The following NPAS3 variants were observed in gnomAD, a reference collection of about 807,000 sequenced individuals.
The protein encoded by NPAS3 is neuronal PAS domain-containing protein 3.
A neutral mutation model predicts 73.1 loss-of-function variants in NPAS3; 14 were observed. That is an observed-to-expected ratio of 0.19 (90% confidence interval 0.13 to 0.30). The LOEUF (loss-of-function observed/expected upper bound fraction) is 0.30, where lower values mean the gene tolerates loss of function less well. NPAS3 is among the 10% of genes least tolerant of loss of function. The pLI is 1.00. For synonymous variants in NPAS3, 620 were observed against 541.5 expected (o/e 1.14, Z -2.01); for missense variants, 1,096 against 1,250.0 (o/e 0.88, Z 1.86).
rs555848502 is a variant in NPAS3 at position 33,767,397 on chromosome 14, C to T, written c.853-6940C>T. The stretch of plus-strand genomic sequence containing the variant: ...AGGTTTCAGGCCACCTCAGAGCCCC[C>T]GTCACTTAAAAATAATTAGCTGACT... On this transcript the variant is annotated intron_variant, in intron 7 of 11. Coordinates refer to ENST00000356141, the Ensembl canonical transcript of NPAS3. Among the ~76,000 whole-genome samples the T allele has an allele frequency of 4.6e-5, 7 of 152,164 alleles. No homozygotes were observed. In the East Asian group the frequency reaches 5.8e-4, roughly 13 times the overall value.
Position 33,752,668 on chromosome 14 carries a change from G to A in NPAS3, c.852+17336G>A, listed in dbSNP as rs551461774. ...CTTTGATGGGACCAAACTCACAGACGAGCTTTCGATCACTGGAGCAACCGC... is the reference window on the plus strand; with the variant it reads ...CTTTGATGGGACCAAACTCACAGACAAGCTTTCGATCACTGGAGCAACCGC... On this transcript the variant is annotated intron_variant, in intron 7 of 11. Coordinates refer to ENST00000356141, the Ensembl canonical transcript of NPAS3. Among the ~76,000 whole-genome samples, 272 of 152,248 alleles carry A rather than the reference G, an allele frequency of 1.8e-3. 1 individual carries two copies. Among genetic ancestry groups the A allele is most frequent in the Non-Finnish European group, 2.8e-3 (192 of 68,010 alleles).
At chr14:33,393,326 A>T (rs1482849533) in intron 4 of NPAS3, among the ~76,000 whole-genome samples, 1 of 152,172 alleles carries the variant, frequency 6.6e-6, no homozygotes, top group African/African-American at 2.4e-5. Flanking sequence ...CAGTTAAAGG[A>T]ATAAGGATGT....
chr14:33,789,627 C>A (rs912321774), intron 9 of NPAS3, among the ~76,000 whole-genome samples: 1 of 114,108 alleles, frequency 8.8e-6, no homozygotes, highest in Non-Finnish European at 1.7e-5. Flanking sequence ...CTCGCTCTGT[C>A]GCCCAGGCTG....
At chr14:33,721,287 G>T (rs2061103266) in intron 6 of NPAS3, among the ~76,000 whole-genome samples, 1 of 152,156 alleles carries the variant, frequency 6.6e-6, no homozygotes, top group Middle Eastern at 3.4e-3. Context: ...TTAGAGAAAA[G>T]GTTGTAGATA....
chr14:33,138,052 T>TTTC (rs202081548), intron 2 of NPAS3, among the ~76,000 whole-genome samples: 2,453 of 118,168 alleles, frequency 0.021, 67 homozygotes, highest in African/African-American at 0.076. Flanking sequence ...AATCTATCAC[T>TTTC]TTTTTTTTTT....
chr14:33,263,133 A>G (rs533697160), intron 3 of NPAS3, among the ~76,000 whole-genome samples: 2 of 152,116 alleles, frequency 1.3e-5, no homozygotes, highest in African/African-American at 4.8e-5. Flanking sequence ...ATTAGATCCC[A>G]TTTGTCAATT....
intron 2 of NPAS3, among the ~76,000 whole-genome samples, chr14:33,088,794 C>A (rs114462910): frequency 0.014 from 2,155 of 152,312 alleles, 46 homozygotes; most frequent in African/African-American, 0.048. Context: ...CACACTGACA[C>A]CTCACATGGC....
At chr14:32,934,950 C>T (rs977764378), upstream of NPAS3, 11 of 1,260,270 alleles carry the variant, frequency 8.7e-6, no homozygotes, top group African/African-American at 1.2e-4. The surrounding 1 kb of genome is among the most constrained non-coding windows in gnomAD (Gnocchi z 4.1). Flanking sequence ...GGGCCGGCGC[C>T]GCGGCCAACG....
intron 1 of NPAS3, among the ~76,000 whole-genome samples, chr14:33,036,221 C>T (rs1362218183): frequency 6.6e-6 from 1 of 152,082 alleles, no homozygotes; most frequent in Non-Finnish European, 1.5e-5. Context: ...GCAGTTGCCT[C>T]AGTAGGGTAG....
chr14:33,735,834 T>C (rs1452797396), intron 7 of NPAS3, among the ~76,000 whole-genome samples: 1 of 152,120 alleles, frequency 6.6e-6, no homozygotes, highest in African/African-American at 2.4e-5. Flanking sequence ...ACTGTATTTA[T>C]GGAACGTGCA....
At chr14:33,498,712 G>GGTAGC (rs57178092) in intron 4 of NPAS3, among the ~76,000 whole-genome samples, 74,590 of 151,130 alleles carry the variant, frequency 0.49, 19,773 homozygotes, top group African/African-American at 0.69. Flanking sequence ...CTAGGGAAGG[G>GGTAGC]GTTAGGAGAA....
At chr14:33,158,511 C>T (rs1199784733) in intron 2 of NPAS3, among the ~76,000 whole-genome samples, 2 of 151,986 alleles carry the variant, frequency 1.3e-5, no homozygotes, top group East Asian at 1.9e-4. Flanking sequence ...TCATAAAAAC[C>T]TAAGAACTAA....
intron 3 of NPAS3, among the ~76,000 whole-genome samples, chr14:33,300,057 T>G (rs1215679739): frequency 6.6e-6 from 1 of 152,196 alleles, no homozygotes; most frequent in Non-Finnish European, 1.5e-5. Flanking sequence ...CCCAGTATCT[T>G]AATTAAAATA....
At chr14:33,253,482 C>G (rs2139907429) in intron 3 of NPAS3, among the ~76,000 whole-genome samples, 1 of 152,182 alleles carries the variant, frequency 6.6e-6, no homozygotes, top group South Asian at 2.1e-4. Flanking sequence ...CTCCTCACAA[C>G]TGATTTCCCA....
Position 33,369,404 on chromosome 14 carries a change from CAAAAAAAAAAAAAA to C in NPAS3, c.468+2146_468+2159del, listed in dbSNP as rs3058296. Among the ~76,000 whole-genome samples, 75 of 90,954 alleles carry C rather than the reference CAAAAAAAAAAAAAA, an allele frequency of 8.2e-4. 2 individuals are homozygous for C. The highest frequency in any genetic ancestry group is 2.7e-3 in the African/African-American group (63 of 22,942). 59.7% of individuals were successfully genotyped at this position (90,954 alleles called of 152,430 possible). ...TCTATTTATTTGAAGGCCTCATTTC[CAAAAAAAAAAAAAA>C]AAAAAAAAAGGATTAAACATATTCT... On this transcript the variant is annotated intron_variant, in intron 4 of 11. Coordinates refer to ENST00000356141, the Ensembl canonical transcript of NPAS3.
At chr14:33,671,915 AG>A (rs141765461) in intron 5 of NPAS3, among the ~76,000 whole-genome samples, 2,748 of 152,264 alleles carry the variant, frequency 0.018, 80 homozygotes, top group African/African-American at 0.06. Flanking sequence ...ACATTATTGG[AG>A]GGGGGAAAGC....
At chr14:33,639,516 T>C (rs1224727913) in intron 5 of NPAS3, among the ~76,000 whole-genome samples, 1 of 152,174 alleles carries the variant, frequency 6.6e-6, no homozygotes, top group Non-Finnish European at 1.5e-5. Flanking sequence ...ACACTAGAGA[T>C]CGTGATGGCA....
At chr14:33,191,506 C>T (rs1049662176) in intron 2 of NPAS3, among the ~76,000 whole-genome samples, 1 of 152,142 alleles carries the variant, frequency 6.6e-6, no homozygotes, top group Admixed American at 6.5e-5. Flanking sequence ...AGTCATAGGT[C>T]ATTGCCACAT....
At chr14:33,543,977 A>ATATC (rs1555409742) in intron 4 of NPAS3, among the ~76,000 whole-genome samples, 1 of 35,726 alleles carries the variant, frequency 2.8e-5, no homozygotes. Context: ...ATATATATAT[A>ATATC]TATATATATA....
Sources: allele counts gnomAD v4.1 joint callset (sites outside exome capture counted in the v4.1 genomes callset), GRCh38; gene constraint gnomAD v4.1.1; non-coding constraint Gnocchi (gnomAD v3.1); transcripts MANE v1.5; gene names NCBI Gene and HGNC (gene_info 2026-07-23, HGNC 2026-07-21).